SMYD3: variants seen among roughly 807,000 people sequenced by gnomAD.
The protein encoded by SMYD3 is SET and MYND domain containing 3, also known as histone-lysine N-methyltransferase SMYD3.
Under a neutral mutation model 57.7 loss-of-function variants are expected in SMYD3, and 36 were observed. That is an observed-to-expected ratio of 0.62 (90% CI 0.48 to 0.82). SMYD3 has a LOEUF of 0.82. Among genes scored for constraint, SMYD3 ranks in the 40% least tolerant of loss-of-function variants. SMYD3 has a pLI of 0.00. For synonymous variants in SMYD3, 211 were observed against 195.0 expected (o/e 1.08, Z -0.68); for missense variants, 515 against 538.8 (o/e 0.96, Z 0.44).
At chr1:246,029,999 T>C (rs1475164285) in intron 5 of SMYD3, among the ~76,000 whole-genome samples, 1 of 139,704 alleles carries the variant, frequency 7.2e-6, no homozygotes, top group African/African-American at 3.0e-5. Flanking sequence ...GTTTCCTTTC[T>C]TTCTTTCTTT....
chr1:246,433,420 G>A (rs2103011514), intron 1 of SMYD3, among the ~76,000 whole-genome samples: 1 of 152,274 alleles, frequency 6.6e-6, no homozygotes, highest in South Asian at 2.1e-4. Context: ...CAGCACTTTG[G>A]GAGGCCAAGG....
At chr1:246,164,738 T>C (rs1056505490) in intron 5 of SMYD3, among the ~76,000 whole-genome samples, 9 of 152,242 alleles carry the variant, frequency 5.9e-5, no homozygotes, top group Non-Finnish European at 1.3e-4. Flanking sequence ...TCTGCTCTCA[T>C]GGAGTTTATG....
intron 5 of SMYD3, among the ~76,000 whole-genome samples, chr1:246,198,294 A>T (rs1053865329): frequency 3.9e-5 from 6 of 152,360 alleles, no homozygotes; most frequent in Admixed American, 2.0e-4. Flanking sequence ...CCAAGAACAG[A>T]TGTAACCAGC....
At chr1:246,025,217 G>T (rs916436702) in intron 5 of SMYD3, among the ~76,000 whole-genome samples, 10 of 143,220 alleles carry the variant, frequency 7.0e-5, no homozygotes, top group African/African-American at 2.4e-4. Context: ...TACAGCAAGT[G>T]AACAGCATCT....
intron 1 of SMYD3, among the ~76,000 whole-genome samples, chr1:246,390,591 T>A (rs1424531034): frequency 6.6e-6 from 1 of 152,246 alleles, no homozygotes; most frequent in Non-Finnish European, 1.5e-5. Context: ...ATATATAATT[T>A]TTAATTTTCT....
intron 5 of SMYD3, among the ~76,000 whole-genome samples, chr1:246,124,374 T>C (rs1469009924): frequency 6.7e-6 from 1 of 149,922 alleles, no homozygotes; most frequent in Admixed American, 6.6e-5. Context: ...GAAAGAAAAG[T>C]TACTTCCAGC....
chr1:245,766,992 G>A (rs904921600), intron 10 of SMYD3, among the ~76,000 whole-genome samples: 1 of 152,166 alleles, frequency 6.6e-6, no homozygotes, highest in Non-Finnish European at 1.5e-5. Context: ...TTGGTTTCTG[G>A]AGGCCTCCCA....
At chr1:246,034,218 G>C (rs1190199513) in intron 5 of SMYD3, among the ~76,000 whole-genome samples, 2 of 152,110 alleles carry the variant, frequency 1.3e-5, no homozygotes, top group Middle Eastern at 3.2e-3. Context: ...CCATGAAAGG[G>C]TCTGATCATA....
At chr1:246,166,125 C>G (rs1170748921) in intron 5 of SMYD3, among the ~76,000 whole-genome samples, 2 of 151,506 alleles carry the variant, frequency 1.3e-5, no homozygotes, top group Non-Finnish European at 2.9e-5. Context: ...AAGAAAAGCA[C>G]TATCTGTTTT....
At chr1:246,011,756 C>T (rs2059285701) in intron 5 of SMYD3, among the ~76,000 whole-genome samples, 1 of 152,202 alleles carries the variant, frequency 6.6e-6, no homozygotes, top group South Asian at 2.1e-4. Flanking sequence ...GGATTGATAA[C>T]TCACTGAAAT....
intron 5 of SMYD3, among the ~76,000 whole-genome samples, chr1:246,174,894 C>T (rs2062407531): frequency 6.6e-6 from 1 of 152,102 alleles, no homozygotes; most frequent in South Asian, 2.1e-4. Context: ...GATCACCAGT[C>T]GATGAATCTC....
intron 5 of SMYD3, among the ~76,000 whole-genome samples, chr1:246,143,319 T>C (rs920305935): frequency 6.6e-6 from 1 of 152,208 alleles, no homozygotes; most frequent in Non-Finnish European, 1.5e-5. Context: ...AACAGTGTCC[T>C]TGCAGTCTTG....
At chr1:245,867,292 A>G (rs978468923) in intron 8 of SMYD3, among the ~76,000 whole-genome samples, 3 of 152,206 alleles carry the variant, frequency 2.0e-5, no homozygotes, top group African/African-American at 7.2e-5. Context: ...CCTTGCCCAC[A>G]CCTTGATTTT....
At chr1:246,216,636 A>G (rs1003997437) in intron 5 of SMYD3, among the ~76,000 whole-genome samples, 5 of 152,048 alleles carry the variant, frequency 3.3e-5, no homozygotes, top group Admixed American at 2.0e-4. Context: ...GTATTCCTTC[A>G]CCTTTTCTGC....
intron 5 of SMYD3, among the ~76,000 whole-genome samples, chr1:246,256,887 A>AT (rs139525543): frequency 0.044 from 6,747 of 151,964 alleles, 238 homozygotes; most frequent in African/African-American, 0.086. Flanking sequence ...ATTTATTTAA[A>AT]TTTTTTTTAT....
chr1:245,848,710 C>T (rs566597101), intron 10 of SMYD3, among the ~76,000 whole-genome samples: 1 of 152,246 alleles, frequency 6.6e-6, no homozygotes, highest in Admixed American at 6.5e-5. Flanking sequence ...CTGTGCTAGG[C>T]CCACAAAAGG....
chr1:245,939,197 T>C (rs2057118669), intron 5 of SMYD3, among the ~76,000 whole-genome samples: 2 of 151,304 alleles, frequency 1.3e-5, no homozygotes, highest in Non-Finnish European at 3.0e-5. Flanking sequence ...GTGAAGAAAA[T>C]AGATAATTTA....
intron 1 of SMYD3, among the ~76,000 whole-genome samples, chr1:246,426,413 T>C (rs551974055): frequency 4.0e-5 from 6 of 151,514 alleles, no homozygotes; most frequent in Non-Finnish European, 8.8e-5. Context: ...TCCCTATCCC[T>C]ACCCCATCTC....
chr1:246,157,159 G>A (rs192284498), intron 5 of SMYD3, among the ~76,000 whole-genome samples: 1 of 152,292 alleles, frequency 6.6e-6, no homozygotes, highest in East Asian at 1.9e-4. Context: ...ATCACTGCCT[G>A]TCACCTGTCC....
Sources: allele counts gnomAD v4.1 joint callset (sites outside exome capture counted in the v4.1 genomes callset), GRCh38; gene constraint gnomAD v4.1.1; transcripts MANE v1.5; gene names NCBI Gene and HGNC (gene_info 2026-07-23, HGNC 2026-07-21).